The following ATP8B1 variants were observed in gnomAD, a reference collection of about 807,000 sequenced individuals.
ATP8B1 encodes phospholipid-transporting ATPase IC.
In ATP8B1, 80 loss-of-function variants were observed where a neutral mutation model predicts 149.9. That is an observed-to-expected ratio of 0.53 (90% CI 0.45 to 0.64). The LOEUF (loss-of-function observed/expected upper bound fraction) is 0.64, where lower values mean the gene tolerates loss of function less well. Ranked by LOEUF, ATP8B1 falls within the 30% of genes least tolerant of loss-of-function variation. The pLI is 0.00. For synonymous variants in ATP8B1, 536 were observed against 562.8 expected, an observed-to-expected ratio of 0.95 and a Z score of 0.67; for missense variants, 1,247 against 1,552.6, an observed-to-expected ratio of 0.80 and a Z score of 3.31.
intron 2 of ATP8B1, among the ~76,000 whole-genome samples, chr18:57,711,886 A>C (rs80055716): frequency 0.012 from 1,882 of 152,308 alleles, 38 homozygotes; most frequent in African/African-American, 0.043. Flanking sequence ...CACCGTGCCC[A>C]GACCAGCAGT....
At chr18:57,780,830 G>C (rs1170240491) in intron 1 of ATP8B1, among the ~76,000 whole-genome samples, 2 of 152,146 alleles carry the variant, frequency 1.3e-5, no homozygotes, top group Non-Finnish European at 2.9e-5. Context: ...TTTCCAGCAT[G>C]CCTGCCCCTC....
intron 2 of ATP8B1, among the ~76,000 whole-genome samples, chr18:57,718,155 A>G (rs943727044): frequency 3.6e-4 from 54 of 152,006 alleles, no homozygotes; most frequent in African/African-American, 1.1e-3. Context: ...AAATAAATAA[A>G]ATCAGAGCTG....
chr18:57,765,416 TC>T (rs1599213279), intron 1 of ATP8B1, among the ~76,000 whole-genome samples: 1 of 152,162 alleles, frequency 6.6e-6, no homozygotes, highest in South Asian at 2.1e-4. Flanking sequence ...ATGCCTTTAA[TC>T]CCAGCACTTT....
chr18:57,691,137 T>C (rs1455250723), intron 12 of ATP8B1, among the ~76,000 whole-genome samples: 1 of 148,758 alleles, frequency 6.7e-6, no homozygotes, highest in Non-Finnish European at 1.5e-5. Context: ...ATCATGCCAT[T>C]GCATTCCTGC....
chr18:57,677,990 TCA>T (rs1316519141), intron 15 of ATP8B1, among the ~76,000 whole-genome samples: 1 of 152,148 alleles, frequency 6.6e-6, no homozygotes, highest in Non-Finnish European at 1.5e-5. Flanking sequence ...GATAATGGAA[TCA>T]CAGAATTGCA....
In ATP8B1 at chr18:57,802,340, G is replaced by A. The variant is rs1018981984; in HGVS notation, c.-26+658C>T. ...AGCCATCTCAGCGGGGCTGGCGGACGCGACCCGACAGTCACCGGAAAAACA... is the reference window on the plus strand; with the variant it reads ...AGCCATCTCAGCGGGGCTGGCGGACACGACCCGACAGTCACCGGAAAAACA... On this transcript the variant is annotated intron_variant, in intron 1 of 27. Transcript: ENST00000648908. This position sits in a 1 kb window ranked among gnomAD's most constrained non-coding sequence, Gnocchi z 4.9. Among the ~76,000 whole-genome samples the A allele has an allele frequency of 6.6e-6, 1 of 152,132 alleles. No homozygotes were observed. Among genetic ancestry groups the A allele is most frequent in the African/African-American group, 2.4e-5 (1 of 41,424 alleles).
At chr18:57,707,973 A>G (rs1356202015) in intron 2 of ATP8B1, among the ~76,000 whole-genome samples, 2 of 149,608 alleles carry the variant, frequency 1.3e-5, no homozygotes, top group Non-Finnish European at 3.0e-5. Context: ...CCTGGCCAAC[A>G]TGGTGAAACC....
intron 1 of ATP8B1, among the ~76,000 whole-genome samples, chr18:57,795,870 T>C (rs1243249698): frequency 1.6e-5 from 2 of 123,290 alleles, no homozygotes; most frequent in East Asian, 5.3e-4. Flanking sequence ...ATGTATATTT[T>C]ACATTTAAAA....
At chr18:57,688,538 G>C (rs1367192204) in intron 12 of ATP8B1, 31 bp from the exon 13 acceptor site, 1 of 1,608,300 alleles carries the variant, frequency 6.2e-7, no homozygotes, top group Non-Finnish European at 8.5e-7. Flanking sequence ...TTTCCGTAGA[G>C]AGCTCGGATA....
At chr18:57,759,085 G>C (rs1166632186) in intron 1 of ATP8B1, among the ~76,000 whole-genome samples, 2 of 150,534 alleles carry the variant, frequency 1.3e-5, no homozygotes, top group Admixed American at 6.6e-5. Context: ...GAACCCGGGA[G>C]GTGGAGGTTG....
chr18:57,753,162 A>T lies in ATP8B1; in HGVS notation c.-25-21330T>A, dbSNP rs938649490. Among the ~76,000 whole-genome samples the T allele has an allele frequency of 4.6e-5, 7 of 152,376 alleles. No individual in the cohort carries two copies. In the East Asian group the frequency reaches 1.3e-3, roughly 29 times the overall value. ...TCTTGTGTCAACAAGGGAAGAGAGA[A>T]CCAGTAATATAACTACTTGGATACA... On this transcript the variant is annotated intron_variant, in intron 1 of 27. Coordinates refer to ENST00000648908, the MANE Select transcript of ATP8B1 (RefSeq NM_001374385.1).
At chr18:57,731,893 T>C (rs953619207) in intron 1 of ATP8B1, 61 bp from the exon 2 acceptor site, 1 of 1,419,918 alleles carries the variant, frequency 7.0e-7, no homozygotes, top group South Asian at 1.2e-5. Flanking sequence ...GGTTGAATAC[T>C]GCCTGCATGC....
At chr18:57,648,792 G>A in intron 27 of ATP8B1, 80 bp from the exon 28 acceptor site, 5 of 1,344,918 alleles carry the variant, frequency 3.7e-6, no homozygotes, top group South Asian at 1.3e-5. Flanking sequence ...TGACAGAAAT[G>A]AACACTGATG....
At position 57,691,160 on chromosome 18, in the gene ATP8B1, A is replaced by G. The variant is rs538201413; in HGVS notation, c.1220+647T>C. Among the ~76,000 whole-genome samples the G allele has an allele frequency of 3.4e-5, 5 of 148,158 alleles. No individual in the cohort carries two copies. In the South Asian group the frequency reaches 6.5e-4, roughly 19 times the overall value. On this transcript the variant is annotated intron_variant, in intron 12 of 27. Coordinates refer to ENST00000648908, the MANE Select transcript of ATP8B1 (RefSeq NM_001374385.1). ...ATTGCATTCCTGCCTGGGCAACAAG[A>G]GTGAAACTCCATCTCAAAAAAAAAA...
rs34422185 is a variant in ATP8B1, at chr18:57,668,554, TAAAAAA to T, written c.2098-20_2098-15del. Reference sequence around the variant, plus strand: ...AGCTCCCAGGAGCTAGAATGTATATTAAAAAAAAAAAAAAAAGGAATTAGCAAACAA... The same window carrying T: ...AGCTCCCAGGAGCTAGAATGTATATTAAAAAAAAAAGGAATTAGCAAACAA... On this transcript the variant is annotated splice_polypyrimidine_tract_variant and intron_variant, in intron 18 of 27. Transcript: ENST00000648908. 1.0e-4 allele frequency: 65 copies of T among 644,874 alleles called. 1 individual carries two copies. The highest frequency in any genetic ancestry group is 1.5e-4 in the Non-Finnish European group (64 of 428,174). The allele number at this position is 644,874 out of a possible 1,614,324, so 39.9% of individuals were successfully genotyped here. A position where few individuals can be genotyped will look rare whatever the true frequency, so the allele number is the denominator to read the frequency against.
chr18:57,741,964 G>C (rs2079918417), intron 1 of ATP8B1, among the ~76,000 whole-genome samples: 1 of 152,114 alleles, frequency 6.6e-6, no homozygotes. Context: ...CTGCCTCCCA[G>C]GTTCAAATGA....
At chr18:57,775,179 T>G (rs1206635987) in intron 1 of ATP8B1, among the ~76,000 whole-genome samples, 1 of 152,056 alleles carries the variant, frequency 6.6e-6, no homozygotes, top group Non-Finnish European at 1.5e-5. Context: ...TAGTTGGGCG[T>G]GGTGGCATGT....
chr18:57,702,872 A>G lies in ATP8B1; in HGVS notation c.394-1559T>C, dbSNP rs527439915. On this transcript the variant is annotated intron_variant, in intron 4 of 27. Coordinates refer to ENST00000648908, the MANE Select transcript of ATP8B1 (RefSeq NM_001374385.1). ...AACTCCATCTCAAAAAAAAAAAAAA[A>G]AGAGAGAGAGAAGATAACTGGGGTG... is the stretch of plus-strand genomic sequence containing the variant. 5.4e-3 allele frequency among the ~76,000 whole-genome samples: 800 copies of G among 147,484 alleles called. 10 individuals carry two copies. Among genetic ancestry groups the G allele is most frequent in the African/African-American group, 0.018 (720 of 40,992 alleles).
rs2080601884 is a variant in ATP8B1 at position 57,803,242 on chromosome 18, C to G, written c.-270G>C. The G allele has an allele frequency of 6.6e-6, 1 of 152,620 alleles. No individual in the cohort carries two copies. The highest frequency in any genetic ancestry group is 2.4e-5 in the African/African-American group (1 of 41,478). The allele number at this position is 152,620 out of a possible 1,614,324, so 9.5% of individuals were successfully genotyped here. On this transcript the variant is annotated 5_prime_UTR_variant, in exon 1 of 28. Transcript: ENST00000648908. Reference sequence around the variant, plus strand: ...CCCCGCCCCGCGTCCGTGCACCCTTCCTCTGCAGCCGCCCTTTTGCCTCCG... The same window carrying G: ...CCCCGCCCCGCGTCCGTGCACCCTTGCTCTGCAGCCGCCCTTTTGCCTCCG...
Sources: allele counts gnomAD v4.1 joint callset (sites outside exome capture counted in the v4.1 genomes callset), GRCh38; gene constraint gnomAD v4.1.1; non-coding constraint Gnocchi (gnomAD v3.1); transcripts MANE v1.5; gene names NCBI Gene and HGNC (gene_info 2026-07-23, HGNC 2026-07-21).